The following SEC22A variants were observed in gnomAD, a reference collection of about 807,000 sequenced individuals.
SEC22A encodes vesicle-trafficking protein SEC22a.
SEC22A carries 22 observed loss-of-function variants against 35.3 expected under a neutral mutation model. The ratio of observed to expected loss-of-function variants is 0.62; its 90% confidence interval spans 0.45 to 0.89. The LOEUF is 0.89. SEC22A is among the 40% of genes least tolerant of loss of function. The probability of loss-of-function intolerance (pLI) is 0.00; values close to 1 mark genes in which losing one functional copy is unlikely to be tolerated. For missense variants in SEC22A, 354 were observed against 362.5 expected (o/e 0.98, Z 0.19); for synonymous variants, 119 against 129.5 (o/e 0.92, Z 0.55).
In SEC22A at chr3:123,271,564, T is replaced by C. The variant is rs758029839; in HGVS notation, c.766T>C (p.Ser256Pro). 1 of 1,614,090 alleles carries C rather than the reference T, an allele frequency of 6.2e-7. No individual in the cohort carries two copies. Among genetic ancestry groups the C allele is most frequent in the Admixed American group, 1.7e-5 (1 of 60,028 alleles). Reference sequence around the variant, plus strand: ...CTACACCGGCTGGCGGAATGTCAAATCTTTTTTGACTTTTGGCTTAATCTG... The same window carrying C: ...CTACACCGGCTGGCGGAATGTCAAACCTTTTTTGACTTTTGGCTTAATCTG... Reference protein sequence around the residue: ...VYYTGWRNVKSFLTFGLICLC... With the variant: ...VYYTGWRNVKPFLTFGLICLC... Residue 256 changes from serine to proline, a missense_variant, in exon 7 of 7, where the codon TCT becomes CCT. Transcript: ENST00000492595.
chr3:123,207,051 A>G (rs13434295), intron 1 of SEC22A, among the ~76,000 whole-genome samples: 29,898 of 152,194 alleles, frequency 0.2, 3,044 homozygotes, highest in Middle Eastern at 0.28. Context: ...TCGCACCACT[A>G]CACTCGTCTG....
At chr3:123,223,431 T>C in intron 2 of SEC22A, 128 bp from the exon 3 acceptor site, 2 of 685,650 alleles carry the variant, frequency 2.9e-6, no homozygotes, top group South Asian at 4.7e-5. Context: ...TCCTAGAATA[T>C]ATAATAAATG....
intron 1 of SEC22A, among the ~76,000 whole-genome samples, chr3:123,208,006 CCAATAAT>C (rs1336412758): frequency 2.0e-5 from 3 of 152,084 alleles, no homozygotes; most frequent in Non-Finnish European, 2.9e-5. Context: ...ATAATAATAA[CCAATAAT>C]ACCATTTCTT....
chr3:123,251,311 G>T (rs1231816531), intron 5 of SEC22A, among the ~76,000 whole-genome samples: 1 of 152,114 alleles, frequency 6.6e-6, no homozygotes, highest in African/African-American at 2.4e-5. Context: ...TTATTAGTAG[G>T]TCATTTATAA....
intron 4 of SEC22A, among the ~76,000 whole-genome samples, chr3:123,230,403 A>G (rs1937300146): frequency 6.6e-6 from 1 of 152,186 alleles, no homozygotes; most frequent in South Asian, 2.1e-4. Context: ...CTATAAACAT[A>G]TAATTACTAT....
intron 6 of SEC22A, among the ~76,000 whole-genome samples, chr3:123,263,988 A>G (rs1264306226): frequency 6.6e-6 from 1 of 151,546 alleles, no homozygotes; most frequent in Non-Finnish European, 1.5e-5. Context: ...TGATGCCATC[A>G]CAGCCTCACC....
chr3:123,233,853 G>GC (rs2108061713), intron 4 of SEC22A, among the ~76,000 whole-genome samples: 1 of 152,276 alleles, frequency 6.6e-6, no homozygotes, highest in Non-Finnish European at 1.5e-5. Context: ...GGCACAGCAG[G>GC]CCGTTGGACA....
In SEC22A at chr3:123,226,931, T is replaced by C. The variant is rs1051158427; in HGVS notation, c.541+1634T>C. Among the ~76,000 whole-genome samples, 4 of 152,216 alleles carry C rather than the reference T, an allele frequency of 2.6e-5. No homozygotes were observed. In the East Asian group the frequency reaches 5.8e-4, roughly 22 times the overall value. On this transcript the variant is annotated intron_variant, in intron 4 of 6. Coordinates refer to ENST00000492595, the MANE Select transcript of SEC22A (RefSeq NM_012430.5). ...TTTAAGGTTTCTTTGTAAACATTTT[T>C]CTAGAAATGAAAAATAGGTTCTTTG...
At position 123,260,169 on chromosome 3, in the gene SEC22A, A is replaced by AAAAAAAC. The variant is rs1559763879; in HGVS notation, c.723+580_723+581insAAAAAAC. On this transcript the variant is annotated intron_variant, in intron 6 of 6. Coordinates refer to ENST00000492595, the MANE Select transcript of SEC22A (RefSeq NM_012430.5). ...AAAAAAAAAAAAAAAAAAAAAAAAAACTACTAGATTTTCTGGTGGTTGATT... is the reference window on the plus strand; with the variant it reads ...AAAAAAAAAAAAAAAAAAAAAAAAAAAAAAAACCTACTAGATTTTCTGGTGGTTGATT... Among the ~76,000 whole-genome samples the AAAAAAAC allele has an allele frequency of 5.8e-4, 67 of 114,834 alleles. 8 individuals carry two copies. The highest frequency in any genetic ancestry group is 2.1e-3 in the African/African-American group (59 of 28,754). The allele number at this position is 114,834 out of a possible 152,430, so 75.3% of individuals were successfully genotyped here.
At chr3:123,235,879 G>C (rs1937410663) in intron 4 of SEC22A, among the ~76,000 whole-genome samples, 1 of 152,130 alleles carries the variant, frequency 6.6e-6, no homozygotes, top group Non-Finnish European at 1.5e-5. Context: ...AAGGAATAAA[G>C]TACTGATACA....
intron 2 of SEC22A, among the ~76,000 whole-genome samples, chr3:123,211,695 G>C (rs1936941152): frequency 6.6e-6 from 1 of 152,070 alleles, no homozygotes; most frequent in Non-Finnish European, 1.5e-5. Context: ...CTGGGCTCAA[G>C]TGATCCTCCT....
intron 5 of SEC22A, among the ~76,000 whole-genome samples, chr3:123,248,988 C>G (rs1343459198): frequency 1.3e-5 from 2 of 152,208 alleles, no homozygotes; most frequent in Admixed American, 1.3e-4. Flanking sequence ...ACCTCAGATG[C>G]TAGTTGCAAG....
At chr3:123,247,864 C>A (rs1161845647) in intron 5 of SEC22A, among the ~76,000 whole-genome samples, 1 of 152,122 alleles carries the variant, frequency 6.6e-6, no homozygotes, top group Non-Finnish European at 1.5e-5. Context: ...ATAATTAACA[C>A]CACAACCAGG....
chr3:123,245,614 G>A (rs964999062), intron 4 of SEC22A, among the ~76,000 whole-genome samples: 4 of 152,018 alleles, frequency 2.6e-5, no homozygotes, highest in African/African-American at 4.8e-5. Flanking sequence ...CACGAGGGTC[G>A]CTTGAGCCCT....
intron 2 of SEC22A, among the ~76,000 whole-genome samples, chr3:123,215,311 C>T (rs963075242): frequency 2.6e-5 from 4 of 152,328 alleles, no homozygotes; most frequent in South Asian, 2.1e-4. Flanking sequence ...ATACTCTCTA[C>T]GACTTGAAAG....
intron 4 of SEC22A, among the ~76,000 whole-genome samples, chr3:123,242,702 G>A (rs1937535019): frequency 6.6e-6 from 1 of 152,102 alleles, no homozygotes; most frequent in African/African-American, 2.4e-5. Flanking sequence ...TGTGAAGATG[G>A]CCCTTCTGGC....
At chr3:123,206,295 A>G (rs1936851379) in intron 1 of SEC22A, among the ~76,000 whole-genome samples, 4 of 151,968 alleles carry the variant, frequency 2.6e-5, no homozygotes, top group Admixed American at 2.0e-4. Flanking sequence ...GAGCCTCACC[A>G]TGTTTCTAGG....
intron 2 of SEC22A, among the ~76,000 whole-genome samples, chr3:123,220,794 A>C (rs1468001132): frequency 6.6e-6 from 1 of 150,486 alleles, no homozygotes; most frequent in Non-Finnish European, 1.5e-5. Flanking sequence ...AGTATATCCC[A>C]TACCACTAGT....
At chr3:123,216,113 A>G (rs1369921550) in intron 2 of SEC22A, among the ~76,000 whole-genome samples, 1 of 152,324 alleles carries the variant, frequency 6.6e-6, no homozygotes, top group African/African-American at 2.4e-5. Context: ...GCTTTTCAGC[A>G]CCATGTATGT....
Sources: allele counts gnomAD v4.1 joint callset (sites outside exome capture counted in the v4.1 genomes callset), GRCh38; gene constraint gnomAD v4.1.1; transcripts MANE v1.5; gene names NCBI Gene and HGNC (gene_info 2026-07-23, HGNC 2026-07-21).